The following CHL1 variants were observed in gnomAD, a reference collection of about 807,000 sequenced individuals.
CHL1 encodes the protein neural cell adhesion molecule L1-like protein.
Under a neutral mutation model 141.9 loss-of-function variants are expected in CHL1, and 96 were observed. That is an observed-to-expected ratio of 0.68 (90% CI 0.57 to 0.80). The LOEUF is 0.80. Among genes scored for constraint, CHL1 ranks in the 30% least tolerant of loss-of-function variants. CHL1 has a pLI of 0.00. For missense variants in CHL1, 1,820 were observed against 1,457.2 expected, an observed-to-expected ratio of 1.25 and a Z score of -4.05; for synonymous variants, 613 against 502.2, an observed-to-expected ratio of 1.22 and a Z score of -2.95.
chr3:370,227 T>G (rs1274693270), intron 15 of CHL1, among the ~76,000 whole-genome samples: 1 of 152,214 alleles, frequency 6.6e-6, no homozygotes, highest in Non-Finnish European at 1.5e-5. Flanking sequence ...CATCTGGTCC[T>G]GGGCTTTATT....
chr3:382,251 C>A lies in CHL1; in HGVS notation c.1949C>A (p.Ala650Asp), dbSNP rs550882168. The change falls in exon 17 of 28, where the codon GCT becomes GAT. Residue 650 changes from alanine to aspartate, a missense_variant. Coordinates refer to ENST00000256509, the MANE Select transcript of CHL1 (RefSeq NM_006614.4). ...AGGAGTGTTCGGCTGACCTGGGAAG[C>A]TGGAGCTGACCACAACAGCAATATT... The part of the protein sequence containing the change: ...QNRSVRLTWE[A>D]GADHNSNISE... 2.5e-6 allele frequency: 4 copies of A among 1,613,762 alleles called. No homozygotes were observed. The highest frequency in any genetic ancestry group is 3.4e-6 in the Non-Finnish European group (4 of 1,179,748).
intron 2 of CHL1, among the ~76,000 whole-genome samples, chr3:268,142 T>A (rs1258308852): frequency 6.6e-6 from 1 of 152,242 alleles, no homozygotes; most frequent in Non-Finnish European, 1.5e-5. Flanking sequence ...AGTAGATTTC[T>A]AAAACTCTGT....
chr3:277,091 A>T (rs1696206721), intron 2 of CHL1, among the ~76,000 whole-genome samples: 1 of 152,074 alleles, frequency 6.6e-6, no homozygotes. Flanking sequence ...ATTACTGATA[A>T]AATACTTAGA....
intron 14 of CHL1, among the ~76,000 whole-genome samples, chr3:365,493 C>T (rs1704758864): frequency 6.6e-6 from 1 of 152,178 alleles, no homozygotes; most frequent in Admixed American, 6.6e-5. Context: ...TCTAGTTCCC[C>T]ACCTTCATGT....
chr3:298,010 A>G (rs17021537), intron 2 of CHL1, among the ~76,000 whole-genome samples: 6,610 of 152,240 alleles, frequency 0.043, 490 homozygotes, highest in African/African-American at 0.15. Flanking sequence ...CTTGATAATC[A>G]TTTGTGTTAT....
At chr3:345,272 G>C (rs1196589604) in intron 9 of CHL1, among the ~76,000 whole-genome samples, 1 of 151,878 alleles carries the variant, frequency 6.6e-6, no homozygotes, top group African/African-American at 2.4e-5. Flanking sequence ...ACTCCTGTTT[G>C]CTATGTTACT....
At chr3:282,776 G>A (rs745351331) in intron 2 of CHL1, 2 of 152,058 alleles carry the variant, frequency 1.3e-5, no homozygotes, top group Non-Finnish European at 2.9e-5. Context: ...TTTTAGATGG[G>A]TCACCAAAGC....
intron 15 of CHL1, among the ~76,000 whole-genome samples, chr3:376,874 G>T (rs933114565): frequency 1.3e-5 from 2 of 152,080 alleles, no homozygotes; most frequent in East Asian, 3.9e-4. Flanking sequence ...TATTATTGGT[G>T]TAGGAATAAG....
intron 2 of CHL1, among the ~76,000 whole-genome samples, chr3:271,725 T>G (rs184125249): frequency 4.5e-4 from 69 of 152,352 alleles, no homozygotes; most frequent in Non-Finnish European, 8.2e-4. Flanking sequence ...GATAAGGTTA[T>G]CTGAAAAATA....
rs867934173 is a variant in CHL1, at chr3:270,934, G to A, written c.-95+26242G>A. 2.6e-5 allele frequency among the ~76,000 whole-genome samples: 4 copies of A among 152,286 alleles called. No individual in the cohort carries two copies. In the South Asian group the frequency reaches 8.3e-4, roughly 32 times the overall value. On this transcript the variant is annotated intron_variant, in intron 2 of 27. Transcript: ENST00000256509. ...TCAGGCATGACTGCTGGCTTTTTCAGAACCAAGAGGAAGTAGAAAGCTTTG... is the reference window on the plus strand; with the variant it reads ...TCAGGCATGACTGCTGGCTTTTTCAAAACCAAGAGGAAGTAGAAAGCTTTG...
chr3:333,122 C>CTTTTTTTTTTTTTTTTT (rs1383301108), intron 5 of CHL1, among the ~76,000 whole-genome samples: 19 of 14,268 alleles, frequency 1.3e-3, no homozygotes, highest in Admixed American at 3.4e-3. Flanking sequence ...GATAATTGCT[C>CTTTTTTTTTTTTTTTTT]TATTTTTTTT....
At chr3:306,723 G>C (rs372862934) in intron 2 of CHL1, among the ~76,000 whole-genome samples, 1 of 151,896 alleles carries the variant, frequency 6.6e-6, no homozygotes, top group Admixed American at 6.6e-5. Context: ...AAACAGTTAT[G>C]AAACAGTATA....
intron 3 of CHL1, among the ~76,000 whole-genome samples, chr3:320,836 A>G (rs962374640): frequency 2.0e-5 from 3 of 152,110 alleles, no homozygotes; most frequent in Non-Finnish European, 4.4e-5. Context: ...GGTTATTAAG[A>G]CATTTTTATC....
intron 2 of CHL1, among the ~76,000 whole-genome samples, chr3:268,158 A>G (rs1695317022): frequency 6.6e-6 from 1 of 152,234 alleles, no homozygotes. Flanking sequence ...TCTGTAGTAT[A>G]TTTACATCAA....
intron 2 of CHL1, among the ~76,000 whole-genome samples, chr3:296,657 C>T (rs567345620): frequency 6.6e-6 from 1 of 152,160 alleles, no homozygotes; most frequent in East Asian, 1.9e-4. Context: ...GTATGGATGC[C>T]CCAGCTTAGG....
At chr3:391,224 C>G in intron 22 of CHL1, 65 bp downstream of exon 22, 1 of 1,297,852 alleles carries the variant, frequency 7.7e-7, no homozygotes. Context: ...ATTAAACATT[C>G]TTCCTTATGG....
intron 16 of CHL1, among the ~76,000 whole-genome samples, chr3:381,033 C>T (rs1706966147): frequency 6.6e-6 from 1 of 152,158 alleles, no homozygotes; most frequent in South Asian, 2.1e-4. Flanking sequence ...ACCTAATCCC[C>T]ATCCAAGGAA....
intron 2 of CHL1, among the ~76,000 whole-genome samples, chr3:261,821 A>G (rs1432837979): frequency 6.6e-6 from 1 of 152,150 alleles, no homozygotes; most frequent in Non-Finnish European, 1.5e-5. Context: ...TTATAATTCA[A>G]TCTTCAATGT....
At chr3:215,565 C>G (rs768241558) in intron 1 of CHL1, among the ~76,000 whole-genome samples, 3 of 152,110 alleles carry the variant, frequency 2.0e-5, no homozygotes, top group Non-Finnish European at 4.4e-5. Context: ...TGAGTTCTCA[C>G]CACAAAGAAA....
Sources: allele counts gnomAD v4.1 joint callset (sites outside exome capture counted in the v4.1 genomes callset), GRCh38; gene constraint gnomAD v4.1.1; transcripts MANE v1.5; gene names NCBI Gene and HGNC (gene_info 2026-07-23, HGNC 2026-07-21).